SH2D4B: variants seen among roughly 807,000 people sequenced by gnomAD.
The protein encoded by SH2D4B is SH2 domain-containing protein 4B.
In SH2D4B, 45 loss-of-function variants were observed where a neutral mutation model predicts 61.5. That is an observed-to-expected ratio of 0.73 (90% confidence interval 0.58 to 0.94). The LOEUF (loss-of-function observed/expected upper bound fraction) is 0.94, where lower values mean the gene tolerates loss of function less well. SH2D4B is among the 40% of genes least tolerant of loss of function. The pLI, the probability that SH2D4B is intolerant of heterozygous loss-of-function variation, is 0.00. For missense variants in SH2D4B, 572 were observed against 574.2 expected (o/e 1.00, Z 0.04); for synonymous variants, 224 against 220.4 (o/e 1.02, Z -0.14).
intron 1 of SH2D4B, among the ~76,000 whole-genome samples, chr10:80,545,977 T>G (rs1031983863): frequency 1.3e-5 from 2 of 152,014 alleles, no homozygotes; most frequent in Non-Finnish European, 2.9e-5. Flanking sequence ...TACAACTCAT[T>G]CCATTTTCTT....
At chr10:80,592,865 A>G (rs1374744736) in intron 4 of SH2D4B, among the ~76,000 whole-genome samples, 1 of 149,862 alleles carries the variant, frequency 6.7e-6, no homozygotes, top group Non-Finnish European at 1.5e-5. Flanking sequence ...ACAGGCATGC[A>G]CCACCATGCC....
chr10:80,564,693 T>C (rs909471725), intron 1 of SH2D4B, among the ~76,000 whole-genome samples: 1 of 152,242 alleles, frequency 6.6e-6, no homozygotes, highest in Non-Finnish European at 1.5e-5. Context: ...CTGAATCCTA[T>C]TTTATTCAAC....
At chr10:80,588,170 A>G (rs1256685741) in intron 3 of SH2D4B, among the ~76,000 whole-genome samples, 1 of 152,198 alleles carries the variant, frequency 6.6e-6, no homozygotes, top group African/African-American at 2.4e-5. Context: ...CTCAGCCTCA[A>G]ATCCATCTTC....
At position 80,551,993 on chromosome 10, in the gene SH2D4B, A is replaced by G. The variant is rs530521503; in HGVS notation, c.184+13478A>G. 6.6e-5 allele frequency among the ~76,000 whole-genome samples: 10 copies of G among 152,302 alleles called. 1 individual carries two copies. In the South Asian group the frequency reaches 2.1e-3, roughly 32 times the overall value. On this transcript the variant is annotated intron_variant, in intron 1 of 7. Transcript: ENST00000646907. ...TGACTTCTGTATCCTTACATGGTGG[A>G]AAGAAAGTGTGCTAGCTCTCTGGCC...
intron 7 of SH2D4B, among the ~76,000 whole-genome samples, chr10:80,642,633 T>C (rs1415765202): frequency 2.6e-5 from 4 of 152,212 alleles, no homozygotes. Flanking sequence ...TGGAATTCCA[T>C]GGTATGGATG....
At chr10:80,565,822 G>A (rs896378175) in intron 1 of SH2D4B, among the ~76,000 whole-genome samples, 1 of 152,092 alleles carries the variant, frequency 6.6e-6, no homozygotes, top group African/African-American at 2.4e-5. Flanking sequence ...CGGGCGTGGT[G>A]GCTCACGCCT....
At chr10:80,608,034 A>C (rs1232276158) in intron 5 of SH2D4B, among the ~76,000 whole-genome samples, 2 of 152,158 alleles carry the variant, frequency 1.3e-5, no homozygotes, top group African/African-American at 4.8e-5. Context: ...GTAGCTGGGA[A>C]TACAAGTGCC....
chr10:80,546,221 T>G (rs1841678491), intron 1 of SH2D4B, among the ~76,000 whole-genome samples: 1 of 53,522 alleles, frequency 1.9e-5, no homozygotes, highest in South Asian at 3.6e-4. Context: ...ATTTTTGTGT[T>G]TTTTTTTGTA....
intron 5 of SH2D4B, chr10:80,607,637 G>A (rs943948721): frequency 2.0e-5 from 3 of 152,346 alleles, no homozygotes; most frequent in Admixed American, 6.5e-5. Context: ...AATGCCCCAC[G>A]GATTTATTCT....
intron 5 of SH2D4B, among the ~76,000 whole-genome samples, chr10:80,605,457 T>C (rs768104525): frequency 1.3e-4 from 20 of 152,224 alleles, no homozygotes; most frequent in Non-Finnish European, 1.9e-4. Context: ...TTGATTTTCA[T>C]ATGAAATTTT....
At chr10:80,570,133 C>A (rs1457504281) in intron 1 of SH2D4B, 21 bp from the exon 2 acceptor site, 1 of 1,613,644 alleles carries the variant, frequency 6.2e-7, no homozygotes, top group African/African-American at 1.3e-5. Flanking sequence ...CTTGTTTCTT[C>A]TTCCTTCTTC....
chr10:80,546,525 TA>T (rs1841682823), intron 1 of SH2D4B, among the ~76,000 whole-genome samples: 3 of 116,954 alleles, frequency 2.6e-5, no homozygotes, highest in East Asian at 4.3e-4. Flanking sequence ...TAGCATACGG[TA>T]TTTTTTTTTT....
At chr10:80,638,598 C>T (rs1038490687) in intron 7 of SH2D4B, among the ~76,000 whole-genome samples, 30 of 152,106 alleles carry the variant, frequency 2.0e-4, no homozygotes, top group South Asian at 4.2e-4. Flanking sequence ...TATTCTCTGA[C>T]GGTAGTTTGT....
At chr10:80,572,986 A>ATTTTTTTTTTTTTTTTT (rs61401607) in intron 3 of SH2D4B, among the ~76,000 whole-genome samples, 3 of 8,880 alleles carry the variant, frequency 3.4e-4, no homozygotes, top group Admixed American at 2.4e-3. Context: ...ATATATATAT[A>ATTTTTTTTTTTTTTTTT]TTTTTTTTTT....
At chr10:80,604,357 A>G (rs901175525) in intron 5 of SH2D4B, among the ~76,000 whole-genome samples, 39 of 152,136 alleles carry the variant, frequency 2.6e-4, no homozygotes, top group African/African-American at 8.9e-4. Context: ...AATTGCCAGG[A>G]CCAAAGGTTA....
At chr10:80,591,176 G>C (rs1842320444) in intron 4 of SH2D4B, among the ~76,000 whole-genome samples, 1 of 151,722 alleles carries the variant, frequency 6.6e-6, no homozygotes, top group African/African-American at 2.4e-5. Flanking sequence ...TTCACTTTTT[G>C]GCTATTTTGA....
chr10:80,620,360 G>A (rs933937351), intron 6 of SH2D4B, among the ~76,000 whole-genome samples: 28 of 152,030 alleles, frequency 1.8e-4, no homozygotes, highest in African/African-American at 4.4e-4. Flanking sequence ...TCACCCTTCC[G>A]CCATGATTAT....
chr10:80,643,954 C>A, intron 7 of SH2D4B, 39 bp from the exon 8 acceptor site: 1 of 1,536,446 alleles, frequency 6.5e-7, no homozygotes, highest in East Asian at 2.3e-5. Context: ...ATTTCCCTGT[C>A]TTGATTATAA....
chr10:80,585,100 A>G (rs1842227920), intron 3 of SH2D4B, among the ~76,000 whole-genome samples: 1 of 152,224 alleles, frequency 6.6e-6, no homozygotes, highest in East Asian at 1.9e-4. Context: ...GTAGAAGAAA[A>G]TACACACAGG....
Sources: gnomAD v4.1 joint callset for allele counts (sites outside exome capture counted in the v4.1 genomes callset) on GRCh38, gnomAD v4.1.1 for gene constraint, MANE v1.5 for transcripts, NCBI Gene and HGNC (gene_info 2026-07-23, HGNC 2026-07-21) for gene names.